FGFR1: variants seen among roughly 807,000 people sequenced by gnomAD.
FGFR1 encodes the protein FGFR1/PLAG1 fusion.
FGFR1 carries 18 observed loss-of-function variants against 93.7 expected under a neutral mutation model. The ratio of observed to expected loss-of-function variants is 0.19; its 90% confidence interval spans 0.13 to 0.28. The LOEUF (loss-of-function observed/expected upper bound fraction) is 0.28, where lower values mean the gene tolerates loss of function less well. FGFR1 is among the 10% of genes least tolerant of loss of function. The pLI is 1.00. For synonymous variants in FGFR1, 448 were observed against 429.3 expected (o/e 1.04, Z -0.54); for missense variants, 731 against 1,080.4 (o/e 0.68, Z 4.53).
intron 2 of FGFR1, among the ~76,000 whole-genome samples, chr8:38,439,552 C>T (rs1563555463): frequency 1.3e-5 from 2 of 152,198 alleles, no homozygotes; most frequent in South Asian, 2.1e-4. Flanking sequence ...CAAGTCCTGA[C>T]TGCTCCAGAC....
At position 38,468,303 on chromosome 8, in the gene FGFR1, G is replaced by A. The variant is rs951980277; in HGVS notation, c.-411C>T. 2.3e-4 allele frequency: 53 copies of A among 228,166 alleles called. No individual in the cohort carries two copies. The highest frequency in any genetic ancestry group is 3.7e-4 in the Non-Finnish European group (42 of 114,724). The allele number at this position is 228,166 out of a possible 1,614,324, so 14.1% of individuals were successfully genotyped here. On this transcript the variant is annotated 5_prime_UTR_variant, in exon 1 of 18. Coordinates refer to ENST00000447712, the MANE Select transcript of FGFR1 (RefSeq NM_023110.3). ...GGCGCCTCACTTTCCTTGCAGACCG[G>A]GCTCCATCGCCCTGCGGAGGCCCCG...
chr8:38,454,994 T>C (rs1234643151), intron 2 of FGFR1, among the ~76,000 whole-genome samples: 1 of 148,036 alleles, frequency 6.8e-6, no homozygotes, highest in Non-Finnish European at 1.5e-5. Flanking sequence ...TTTTTTTTTT[T>C]AGACAGAGTT....
Position 38,413,651 on chromosome 8 carries a change from T to C in FGFR1, c.2446A>G (p.Asn816Asp), listed in dbSNP as rs1162921288. The C allele has an allele frequency of 6.2e-7, 1 of 1,612,456 alleles. No individual in the cohort carries two copies. The highest frequency in any genetic ancestry group is 8.5e-7 in the Non-Finnish European group (1 of 1,179,500). The part of the protein sequence containing the change: ...CLPRHPAQLA[N>D]GGLKRR ...AGTCAGCGGCGTTTGAGTCCGCCATTGGCAAGCTGGGCTGGGTGTCGGGGC... is the reference window on the plus strand; with the variant it reads ...AGTCAGCGGCGTTTGAGTCCGCCATCGGCAAGCTGGGCTGGGTGTCGGGGC... Residue 816 changes from asparagine to aspartate, a missense_variant, in exon 18 of 18, where the codon AAT becomes GAT. Asn to Asp is a conservative substitution (Grantham distance 23). Coordinates refer to ENST00000447712, the MANE Select transcript of FGFR1 (RefSeq NM_023110.3). The surrounding 1 kb of genome is among the most constrained non-coding windows in gnomAD (Gnocchi z 4.2).
intron 8 of FGFR1, chr8:38,420,475 C>T (rs1347311918): frequency 6.6e-6 from 1 of 152,206 alleles, no homozygotes; most frequent in Non-Finnish European, 1.5e-5. Flanking sequence ...ACTCCTAAAA[C>T]TTAAGGAAAT....
chr8:38,430,243 T>G, intron 2 of FGFR1: 5 of 419,994 alleles, frequency 1.2e-5, no homozygotes, highest in Non-Finnish European at 1.3e-5. Context: ...CGCATTTCAT[T>G]TCCCCCATCC....
chr8:38,412,301 C>T lies in FGFR1; in HGVS notation c.*1327G>A, dbSNP rs557714059. The stretch of plus-strand genomic sequence containing the variant: ...CTGACCTGAAGTGATCTGCCCACCT[C>T]GGTGTCCCAAAGTGCTGGGATTACA... On this transcript the variant is annotated 3_prime_UTR_variant, in exon 18 of 18. Coordinates refer to ENST00000447712, the MANE Select transcript of FGFR1 (RefSeq NM_023110.3). 1.5e-4 allele frequency: 35 copies of T among 225,980 alleles called. No individual in the cohort carries two copies. In the East Asian group the frequency reaches 2.0e-3, roughly 13 times the overall value. 14.0% of individuals were successfully genotyped at this position (225,980 alleles called of 1,614,324 possible).
In FGFR1 at chr8:38,428,554, C is replaced by T. The variant is rs1178679632; in HGVS notation, c.359-119G>A. ...CCATGGGGATCCCAGTCCCACTGCT[C>T]CCTTAGTGATGATCTCTTGGTGGGA... On this transcript the variant is annotated intron_variant, in intron 3 of 17. Coordinates refer to ENST00000447712, the MANE Select transcript of FGFR1 (RefSeq NM_023110.3). 5.7e-5 allele frequency: 43 copies of T among 757,124 alleles called. No homozygotes were observed. The East Asian group carries it at 1.2e-3, about 20-fold the overall frequency. 46.9% of individuals were successfully genotyped at this position (757,124 alleles called of 1,614,324 possible). A position where few individuals can be genotyped will look rare whatever the true frequency, so the allele number is the denominator to read the frequency against.
At position 38,418,293 on chromosome 8, in the gene FGFR1, G is replaced by A; in HGVS notation, c.1365C>T (p.Pro455=). Residue 455 remains proline, a synonymous_variant, in exon 10 of 18, where the codon CCC becomes CCT. Coordinates refer to ENST00000447712, the MANE Select transcript of FGFR1 (RefSeq NM_023110.3). The part of the protein sequence containing the change: ...RPSRLSSSGT[P]MLAGVSEYEL... ...CATACTCAGAGACCCCTGCTAGCAT[G>A]GGAGTCCCACTGGAGGAGAGCCGTG... 1 of 1,614,212 alleles carries A rather than the reference G, an allele frequency of 6.2e-7. No individual in the cohort carries two copies. Among genetic ancestry groups the A allele is most frequent in the Non-Finnish European group, 8.5e-7 (1 of 1,180,040 alleles).
chr8:38,466,273 C>T (rs1225209127), intron 1 of FGFR1: 1 of 232,364 alleles, frequency 4.3e-6, no homozygotes, highest in African/African-American at 2.2e-5. Flanking sequence ...CGCGTGACGC[C>T]ACCGCGGGGC....
intron 7 of FGFR1, chr8:38,423,229 C>T (rs1354071580): frequency 2.3e-5 from 18 of 767,192 alleles, no homozygotes; most frequent in South Asian, 5.5e-5. Flanking sequence ...GATGTGGCCA[C>T]GCACGTTGCT....
At position 38,418,350 on chromosome 8, in the gene FGFR1, G is replaced by A. The variant is rs546318124; in HGVS notation, c.1308C>T (p.Ser436=). 1.6e-5 allele frequency: 26 copies of A among 1,614,110 alleles called. No individual in the cohort carries two copies. In the East Asian group the frequency reaches 5.3e-4, roughly 33 times the overall value. ...GAACCAGAAGAACCCCAGAGTTCAT[G>A]GATGCACTGGAGTCAGCAGACACCT... ...QVTVSADSSA[S]MNSGVLLVRP... The change falls in exon 10 of 18, where the codon TCC becomes TCT. Residue 436 remains serine, a synonymous_variant. Transcript: ENST00000447712.
intron 8 of FGFR1, among the ~76,000 whole-genome samples, chr8:38,421,044 G>A (rs1447722287): frequency 6.6e-6 from 1 of 152,186 alleles, no homozygotes; most frequent in African/African-American, 2.4e-5. Flanking sequence ...AAGGAGGGGA[G>A]AGAGAAGAGG....
Position 38,447,098 on chromosome 8 carries a change from AACACACACACACACACACACAC to A in FGFR1, c.91+10236_91+10257del, listed in dbSNP as rs57917657. On this transcript the variant is annotated intron_variant, in intron 2 of 17. Transcript: ENST00000447712. ...GCCACAGGAGATATTACTGCAAGCA[AACACACACACACACACACACAC>A]ACACACACACACACACACACACACA... Among the ~76,000 whole-genome samples the A allele has an allele frequency of 6.2e-3, 832 of 133,360 alleles. 4 individuals carry two copies. The highest frequency in any genetic ancestry group is 8.6e-3 in the Non-Finnish European group (537 of 62,680). 87.5% of individuals were successfully genotyped at this position (133,360 alleles called of 152,430 possible). A position where few individuals can be genotyped will look rare whatever the true frequency, so the allele number is the denominator to read the frequency against.
chr8:38,461,160 T>G (rs1343540563), intron 1 of FGFR1: 17 of 1,535,300 alleles, frequency 1.1e-5, no homozygotes, highest in Non-Finnish European at 2.6e-6. Context: ...GCCTGCTGTC[T>G]TCTCACTGGA....
chr8:38,448,631 T>C (rs922742565), intron 2 of FGFR1, among the ~76,000 whole-genome samples: 9 of 152,266 alleles, frequency 5.9e-5, no homozygotes, highest in Middle Eastern at 3.4e-3. Context: ...CCACATAATG[T>C]GAGGCAGAGT....
At chr8:38,422,536 T>C (rs1473538787) in intron 7 of FGFR1, among the ~76,000 whole-genome samples, 2 of 151,928 alleles carry the variant, frequency 1.3e-5, no homozygotes, top group African/African-American at 4.8e-5. Flanking sequence ...TCAGACTAGC[T>C]GGGACTACAG....
intron 2 of FGFR1, among the ~76,000 whole-genome samples, chr8:38,443,840 G>A (rs982057572): frequency 1.7e-4 from 26 of 152,110 alleles, no homozygotes; most frequent in Non-Finnish European, 3.4e-4. Flanking sequence ...GATCACATGA[G>A]GTCAGGAGTT....
chr8:38,437,730 T>A (rs1281312348), intron 2 of FGFR1, among the ~76,000 whole-genome samples: 5 of 152,140 alleles, frequency 3.3e-5, no homozygotes, highest in Admixed American at 3.3e-4. Flanking sequence ...GATTTCAATT[T>A]GTAAGTTGAG....
chr8:38,430,268 G>C lies in FGFR1; in HGVS notation c.92-320C>G, dbSNP rs745844660. On this transcript the variant is annotated intron_variant, in intron 2 of 17. Coordinates refer to ENST00000447712, the MANE Select transcript of FGFR1 (RefSeq NM_023110.3). ...TTCCCCCATCCTAAGGGGAAAGGTC[G>C]GCCCTCCCCAGGACTTCTTTGTGTC... 1.4e-5 allele frequency: 5 copies of C among 348,954 alleles called. No homozygotes were observed. The Admixed American group carries it at 1.7e-4, about 12-fold the overall frequency. 21.6% of individuals were successfully genotyped at this position (348,954 alleles called of 1,614,324 possible).
Sources: gnomAD v4.1 joint callset for allele counts (sites outside exome capture counted in the v4.1 genomes callset) on GRCh38, gnomAD v4.1.1 for gene constraint, Gnocchi (gnomAD v3.1) non-coding constraint, MANE v1.5 for transcripts, NCBI Gene and HGNC (gene_info 2026-07-23, HGNC 2026-07-21) for gene names.